IL1R2: variants seen among roughly 807,000 people sequenced by gnomAD.
The protein encoded by IL1R2 is interleukin-1 receptor type 2.
In IL1R2, 46 loss-of-function variants were observed where a neutral mutation model predicts 39.5. The observed-to-expected ratio is 1.16, with a 90% CI of 0.92 to 1.49. IL1R2 has a LOEUF of 1.49. Among genes scored for constraint, IL1R2 ranks in the 40% most tolerant of loss-of-function variants. The pLI is 0.00. For missense variants in IL1R2, 537 were observed against 502.0 expected (o/e 1.07, Z -0.67); for synonymous variants, 207 against 189.6 (o/e 1.09, Z -0.75).
rs1165153380 is a variant in IL1R2 at position 102,008,509 on chromosome 2, C to T, written c.-61-6C>T. The T allele has an allele frequency of 6.9e-6, 9 of 1,297,048 alleles. No individual in the cohort carries two copies. Among genetic ancestry groups the T allele is most frequent in the Non-Finnish European group, 1.0e-5 (9 of 891,386 alleles). 80.3% of individuals were successfully genotyped at this position (1,297,048 alleles called of 1,614,324 possible). A position where few individuals can be genotyped will look rare whatever the true frequency, so the allele number is the denominator to read the frequency against. On this transcript the variant is annotated splice_region_variant and splice_polypyrimidine_tract_variant and intron_variant, in intron 1 of 8. Transcript: ENST00000332549. ...TTCCTGGTGACACCTCTGTTTCCTCCCCTAGGCCACGTGCTGCTGGGTCTC... is the reference window on the plus strand; with the variant it reads ...TTCCTGGTGACACCTCTGTTTCCTCTCCTAGGCCACGTGCTGCTGGGTCTC...
At position 102,028,239 on chromosome 2, in the gene IL1R2, C is replaced by G. The variant is rs1457164149; in HGVS notation, c.1044C>G (p.Phe348Leu). ...RTTVKEASST[F>L]SWGIVLAPLS... ...TTCTTCCCACAGCCTCCTCCACGTT[C>G]TCCTGGGGCATTGTGCTGGCCCCAC... The change falls in exon 9 of 9, where the codon TTC becomes TTG. Residue 348 changes from phenylalanine (F) to leucine (L), a missense_variant. Transcript: ENST00000332549. The G allele has an allele frequency of 1.9e-6, 3 of 1,609,586 alleles. No homozygotes were observed. The highest frequency in any genetic ancestry group is 2.5e-6 in the Non-Finnish European group (3 of 1,177,872).
At chr2:101,996,267 T>A (rs1675580702) in intron 1 of IL1R2, among the ~76,000 whole-genome samples, 3 of 152,062 alleles carry the variant, frequency 2.0e-5, no homozygotes, top group Admixed American at 2.0e-4. Context: ...TGGCCAGGCA[T>A]CTGACAGCTG....
At chr2:102,021,664 C>G (rs1288861565) in intron 5 of IL1R2, among the ~76,000 whole-genome samples, 1 of 152,248 alleles carries the variant, frequency 6.6e-6, no homozygotes. Flanking sequence ...ACTTCTGCCT[C>G]TCCAGAGAGT....
rs3218869 is a variant in IL1R2, at chr2:102,011,813, A to G, written c.332+1987A>G. ...GTTGCCTGTGCTTTTAGTGTTAAGA[A>G]ATCATTGCCCAATCCAATGTCATGA... On this transcript the variant is annotated intron_variant, in intron 3 of 8. Coordinates refer to ENST00000332549, the MANE Select transcript of IL1R2 (RefSeq NM_004633.4). Among the ~76,000 whole-genome samples, 947 of 152,318 alleles carry G rather than the reference A, an allele frequency of 6.2e-3. 10 individuals are homozygous for G. Among genetic ancestry groups the G allele is most frequent in the African/African-American group, 0.022 (903 of 41,566 alleles).
At position 102,016,804 on chromosome 2, in the gene IL1R2, G is replaced by T. The variant is rs3218908; in HGVS notation, c.513+753G>T. On this transcript the variant is annotated intron_variant, in intron 4 of 8. Coordinates refer to ENST00000332549, the MANE Select transcript of IL1R2 (RefSeq NM_004633.4). ...ATATCCGTAGGTTATATGCAAAGAT[G>T]ACACCCCTTTATATAAACCACTTAC... 1.6e-3 allele frequency among the ~76,000 whole-genome samples: 239 copies of T among 152,268 alleles called. 4 individuals are homozygous for T. Among genetic ancestry groups the T allele is most frequent in the African/African-American group, 5.6e-3 (234 of 41,532 alleles).
intron 1 of IL1R2, among the ~76,000 whole-genome samples, chr2:101,994,155 G>A (rs916307275): frequency 1.3e-5 from 2 of 152,186 alleles, no homozygotes; most frequent in Non-Finnish European, 2.9e-5. Context: ...TCGGCTGAAT[G>A]TTTCAGGGCA....
intron 8 of IL1R2, among the ~76,000 whole-genome samples, chr2:102,028,017 C>T (rs545914204): frequency 1.1e-4 from 16 of 152,326 alleles, no homozygotes; most frequent in Non-Finnish European, 1.9e-4. Context: ...ACAGATTTTG[C>T]CCTATCACGC....
rs756821242 is a variant in IL1R2 at position 101,992,864 on chromosome 2, C to T, written c.-62+853C>T. ...TTCTCCAGACCTCAGGAACCTGATC[C>T]GGGTGACCTTCCTTGCCCATGACCT... On this transcript the variant is annotated intron_variant, in intron 1 of 8. Transcript: ENST00000332549. Among the ~76,000 whole-genome samples, 4 of 152,298 alleles carry T rather than the reference C, an allele frequency of 2.6e-5. No individual in the cohort carries two copies. In the East Asian group the frequency reaches 5.8e-4, roughly 22 times the overall value.
chr2:102,022,108 T>C, intron 5 of IL1R2, 79 bp from the exon 6 acceptor site: 1 of 1,182,564 alleles, frequency 8.5e-7, no homozygotes, highest in Non-Finnish European at 1.3e-6. Flanking sequence ...ACTTAGTTGA[T>C]TAGCCAAACA....
chr2:102,026,342 G>A (rs1461928804), intron 8 of IL1R2, 89 bp downstream of exon 8: 5 of 1,039,808 alleles, frequency 4.8e-6, no homozygotes, highest in Non-Finnish European at 6.8e-6. Context: ...TTCTCCAAAT[G>A]ATTCCATAGA....
chr2:102,027,874 G>C (rs2150467061), intron 8 of IL1R2, among the ~76,000 whole-genome samples: 1 of 152,210 alleles, frequency 6.6e-6, no homozygotes, highest in Admixed American at 6.5e-5. Context: ...ATTAGAAAAG[G>C]GCAGATTGTT....
intron 3 of IL1R2, chr2:102,010,041 ACAACGTC>A (rs1285613736): frequency 1.7e-6 from 1 of 588,820 alleles, no homozygotes; most frequent in Non-Finnish European, 3.0e-6. Context: ...CTCTTTGGAG[ACAACGTC>A]CCTAGCCATT....
intron 1 of IL1R2, chr2:102,001,903 T>C (rs1422554133): frequency 6.6e-6 from 1 of 152,120 alleles, no homozygotes; most frequent in Non-Finnish European, 1.5e-5. Context: ...CAGTGATAGG[T>C]GTAAAGCCTG....
At chr2:102,016,354 C>G (rs3218904) in intron 4 of IL1R2, 13,000 of 224,794 alleles carry the variant, frequency 0.058, 1,536 homozygotes, top group African/African-American at 0.26. Context: ...CAACAGTAGG[C>G]TGCATGTACA....
At chr2:102,015,543 C>G (rs1157621832) in intron 3 of IL1R2, among the ~76,000 whole-genome samples, 1 of 152,184 alleles carries the variant, frequency 6.6e-6, no homozygotes, top group African/African-American at 2.4e-5. Context: ...GCCTAGTCTT[C>G]CTTAAATGGG....
At chr2:102,007,252 A>G (rs1255811807) in intron 1 of IL1R2, among the ~76,000 whole-genome samples, 1 of 152,080 alleles carries the variant, frequency 6.6e-6, no homozygotes, top group Non-Finnish European at 1.5e-5. Context: ...ATGGGGGAGG[A>G]CTGCTTCATA....
Position 102,009,773 on chromosome 2 carries a change from G to A in IL1R2, c.279G>A (p.Leu93=). Residue 93 remains leucine (L), a synonymous_variant, in exon 3 of 9, where the codon CTG becomes CTA. Coordinates refer to ENST00000332549, the MANE Select transcript of IL1R2 (RefSeq NM_004633.4). The part of the protein sequence containing the change: ...ETRMWAQDGA[L]WLLPALQEDS... ...GGATGTGGGCCCAGGACGGTGCTCT[G>A]TGGCTTCTGCCAGCCTTGCAGGAGG... 1 of 1,614,234 alleles carries A rather than the reference G, an allele frequency of 6.2e-7. No individual in the cohort carries two copies. The highest frequency in any genetic ancestry group is 8.5e-7 in the Non-Finnish European group (1 of 1,180,038).
intron 5 of IL1R2, 45 bp downstream of exon 5, chr2:102,019,857 C>T (rs779487284): frequency 3.9e-6 from 6 of 1,523,580 alleles, no homozygotes; most frequent in Admixed American, 1.8e-5. Flanking sequence ...GGTTCAATAA[C>T]AAGCATGCAG....
intron 1 of IL1R2, among the ~76,000 whole-genome samples, chr2:102,005,669 A>C (rs1676216801): frequency 6.6e-6 from 1 of 152,192 alleles, no homozygotes; most frequent in African/African-American, 2.4e-5. Flanking sequence ...GGGGGATCAC[A>C]TGACACTTCC....
Sources: gnomAD v4.1 joint callset for allele counts (sites outside exome capture counted in the v4.1 genomes callset) on GRCh38, gnomAD v4.1.1 for gene constraint, MANE v1.5 for transcripts, NCBI Gene and HGNC (gene_info 2026-07-23, HGNC 2026-07-21) for gene names.